The following AUTS2 variants were observed in gnomAD, a reference collection of about 807,000 sequenced individuals.
The protein encoded by AUTS2 is autism susceptibility gene 2 protein.
Under a neutral mutation model 112.4 loss-of-function variants are expected in AUTS2, and 17 were observed. The ratio of observed to expected loss-of-function variants is 0.15; its 90% CI spans 0.10 to 0.23. The LOEUF (loss-of-function observed/expected upper bound fraction) is 0.23. Among genes scored for constraint, AUTS2 ranks in the 10% least tolerant of loss-of-function variants. AUTS2 has a pLI of 1.00. For synonymous variants in AUTS2, 751 were observed against 702.7 expected (o/e 1.07, Z -1.09); for missense variants, 1,510 against 1,701.6 (o/e 0.89, Z 1.98).
intron 4 of AUTS2, among the ~76,000 whole-genome samples, chr7:70,269,791 C>T (rs989639821): frequency 3.9e-5 from 6 of 152,176 alleles, no homozygotes; most frequent in Admixed American, 2.6e-4. Context: ...CTCTTTGGCT[C>T]TTGGTAGATA....
At chr7:70,088,423 G>T (rs979454741) in intron 2 of AUTS2, among the ~76,000 whole-genome samples, 1 of 151,792 alleles carries the variant, frequency 6.6e-6, no homozygotes, top group East Asian at 1.9e-4. Flanking sequence ...CACCGTGCCT[G>T]GCCACAGGTT....
intron 5 of AUTS2, among the ~76,000 whole-genome samples, chr7:70,615,587 T>C (rs1395971930): frequency 1.3e-5 from 2 of 151,846 alleles, no homozygotes; most frequent in Admixed American, 1.3e-4. Context: ...GTTGTTGTTG[T>C]TGTTGTTGTT....
chr7:70,371,082 C>T (rs1792816266), intron 4 of AUTS2, among the ~76,000 whole-genome samples: 1 of 152,100 alleles, frequency 6.6e-6, no homozygotes, highest in Non-Finnish European at 1.5e-5. Context: ...ATGCCCAGTC[C>T]GTGGTGTTGC....
At position 70,787,339 on chromosome 7, in the gene AUTS2, G is replaced by A. The variant is rs1322979513; in HGVS notation, c.2439G>A (p.Gly813=). 6.2e-7 allele frequency: 1 copy of A among 1,614,064 alleles called. No homozygotes were observed. Among genetic ancestry groups the A allele is most frequent in the Non-Finnish European group, 8.5e-7 (1 of 1,180,034 alleles). ...FPTPPPWLKP[G]ELERSASAAA... The stretch of plus-strand genomic sequence containing the variant: ...CCCCTCCGCCCTGGCTGAAGCCAGG[G>A]GAGCTGGAGCGCAGCGCGTCCGCTG... Residue 813 remains glycine (G), a synonymous_variant, in exon 18 of 19, where the codon GGG becomes GGA. Coordinates refer to ENST00000342771, the MANE Select transcript of AUTS2 (RefSeq NM_015570.4).
intron 4 of AUTS2, among the ~76,000 whole-genome samples, chr7:70,209,196 G>A (rs1810729842): frequency 1.3e-5 from 2 of 152,120 alleles, no homozygotes; most frequent in Admixed American, 6.5e-5. Flanking sequence ...GGAGGTAGGT[G>A]GATTGGACAT....
At chr7:70,153,962 A>T (rs2129576556) in intron 4 of AUTS2, among the ~76,000 whole-genome samples, 1 of 152,338 alleles carries the variant, frequency 6.6e-6, no homozygotes, top group South Asian at 2.1e-4. Flanking sequence ...GTAGGCCACC[A>T]GATTGAATTA....
intron 4 of AUTS2, among the ~76,000 whole-genome samples, chr7:70,162,730 T>C (rs1238214664): frequency 6.6e-6 from 1 of 152,170 alleles, no homozygotes; most frequent in Non-Finnish European, 1.5e-5. Flanking sequence ...CCCATTATTA[T>C]AAAATATTTA....
Position 70,380,761 on chromosome 7 carries a change from C to T in AUTS2, c.661-54991C>T, listed in dbSNP as rs533862545. Among the ~76,000 whole-genome samples, 3 of 152,350 alleles carry T rather than the reference C, an allele frequency of 2.0e-5. No individual in the cohort carries two copies. The East Asian group carries it at 5.8e-4, about 29-fold the overall frequency. ...TGATTAAAAACAGGAGGGAGCAGAGCTCCCCTTACTCACTGAGGAGCCAAA... is the reference window on the plus strand; with the variant it reads ...TGATTAAAAACAGGAGGGAGCAGAGTTCCCCTTACTCACTGAGGAGCCAAA... On this transcript the variant is annotated intron_variant, in intron 4 of 18. Coordinates refer to ENST00000342771, the MANE Select transcript of AUTS2 (RefSeq NM_015570.4).
In AUTS2 at chr7:70,716,636, CAAAAAAAAAAAAA is replaced by C. The variant is rs34972760; in HGVS notation, c.742+18033_742+18045del. The stretch of plus-strand genomic sequence containing the variant: ...TGGGTGACAGAGCGAGACTCCGTCT[CAAAAAAAAAAAAA>C]AAAAAAAAAAAAAAAAGGGAAGTCT... On this transcript the variant is annotated intron_variant, in intron 6 of 18. Transcript: ENST00000342771. Among the ~76,000 whole-genome samples, 57 of 64,938 alleles carry C rather than the reference CAAAAAAAAAAAAA, an allele frequency of 8.8e-4. 2 individuals carry two copies. Among genetic ancestry groups the C allele is most frequent in the Admixed American group, 3.8e-3 (21 of 5,510 alleles). The allele number at this position is 64,938 out of a possible 152,430, so 42.6% of individuals were successfully genotyped here. A position where few individuals can be genotyped will look rare whatever the true frequency, so the allele number is the denominator to read the frequency against.
chr7:70,018,566 T>A (rs1800134567), intron 2 of AUTS2, among the ~76,000 whole-genome samples: 1 of 152,216 alleles, frequency 6.6e-6, no homozygotes, highest in Non-Finnish European at 1.5e-5. Flanking sequence ...CATTGACTGT[T>A]TTCTCTGTAA....
intron 6 of AUTS2, among the ~76,000 whole-genome samples, chr7:70,703,308 A>G (rs977056232): frequency 2.0e-5 from 3 of 152,066 alleles, no homozygotes; most frequent in Admixed American, 6.5e-5. Context: ...CAGCCTGGGC[A>G]ATATAGCAAG....
intron 5 of AUTS2, among the ~76,000 whole-genome samples, chr7:70,559,286 G>C (rs928359130): frequency 6.6e-6 from 1 of 151,632 alleles, no homozygotes; most frequent in African/African-American, 2.4e-5. Context: ...AGCAGCGTGA[G>C]AACAGACTAA....
At chr7:70,347,430 A>AGATGCTATTTAAT (rs1228946618) in intron 4 of AUTS2, among the ~76,000 whole-genome samples, 13 of 152,186 alleles carry the variant, frequency 8.5e-5, no homozygotes, top group African/African-American at 1.2e-4. Context: ...AGCATACAGT[A>AGATGCTATTTAAT]GATGCTATTT....
intron 4 of AUTS2, among the ~76,000 whole-genome samples, chr7:70,251,165 T>C (rs911050450): frequency 6.6e-6 from 1 of 151,960 alleles, no homozygotes; most frequent in African/African-American, 2.4e-5. Context: ...CCCAGGTTCA[T>C]ACAGTTCTCC....
chr7:70,657,344 A>C (rs1339511936), intron 5 of AUTS2, among the ~76,000 whole-genome samples: 4 of 152,238 alleles, frequency 2.6e-5, no homozygotes, highest in Admixed American at 6.5e-5. Flanking sequence ...GCTACTTCTT[A>C]GCAGAGTGAG....
chr7:69,833,687 G>A (rs1189398708), intron 1 of AUTS2, among the ~76,000 whole-genome samples: 1 of 152,124 alleles, frequency 6.6e-6, no homozygotes, highest in Non-Finnish European at 1.5e-5. Context: ...CGCCTGCCTT[G>A]GCCTCCCAAA....
chr7:69,842,318 T>A (rs925860433), intron 1 of AUTS2, among the ~76,000 whole-genome samples: 1 of 152,200 alleles, frequency 6.6e-6, no homozygotes, highest in African/African-American at 2.4e-5. Flanking sequence ...ATAAGGAACA[T>A]GTGACCAGAT....
intron 6 of AUTS2, among the ~76,000 whole-genome samples, chr7:70,709,299 A>G (rs2129549057): frequency 6.6e-6 from 1 of 152,248 alleles, no homozygotes; most frequent in African/African-American, 2.4e-5. Context: ...GAGCAAGACT[A>G]TTTGTAAAGT....
intron 4 of AUTS2, among the ~76,000 whole-genome samples, chr7:70,307,056 C>A (rs907923986): frequency 3.3e-5 from 5 of 152,110 alleles, no homozygotes; most frequent in Admixed American, 6.5e-5. Flanking sequence ...ATTGTATAAT[C>A]AAGTAACAAA....
Sources: allele counts gnomAD v4.1 joint callset (sites outside exome capture counted in the v4.1 genomes callset), GRCh38; gene constraint gnomAD v4.1.1; transcripts MANE v1.5; gene names NCBI Gene and HGNC (gene_info 2026-07-23, HGNC 2026-07-21).